FAM227B: variants seen among roughly 807,000 people sequenced by gnomAD.
FAM227B encodes protein FAM227B.
In FAM227B, 88 loss-of-function variants were observed where a neutral mutation model predicts 73.8. That is an observed-to-expected ratio of 1.19 (90% CI 1.00 to 1.42). FAM227B has a LOEUF of 1.42. FAM227B is among the 40% of genes most tolerant of loss of function. The pLI is 0.00. For synonymous variants in FAM227B, 210 were observed against 190.5 expected (o/e 1.10, Z -0.84); for missense variants, 632 against 590.9 (o/e 1.07, Z -0.72).
intron 10 of FAM227B, among the ~76,000 whole-genome samples, chr15:49,519,061 A>G (rs1446468459): frequency 6.6e-6 from 1 of 152,232 alleles, no homozygotes; most frequent in African/African-American, 2.4e-5. Flanking sequence ...AAGGGGCTAC[A>G]GGCCCCATGC....
intron 3 of FAM227B, among the ~76,000 whole-genome samples, chr15:49,592,712 T>C (rs1455709547): frequency 6.6e-6 from 1 of 152,150 alleles, no homozygotes; most frequent in African/African-American, 2.4e-5. Flanking sequence ...GAACCACTGC[T>C]CTCTTCAGAG....
chr15:49,328,389 G>T lies in FAM227B; in HGVS notation c.*179C>A. ...TAAGAGCCAAGATCATGCTTGGACA[G>T]ATCTTTTAAGAATAACTTACTGAGA... On this transcript the variant is annotated 3_prime_UTR_variant, in exon 16 of 16. Transcript: ENST00000299338. 24 of 1,427,308 alleles carry T rather than the reference G, an allele frequency of 1.7e-5. No homozygotes were observed. Among genetic ancestry groups the T allele is most frequent in the Non-Finnish European group, 2.2e-5 (24 of 1,094,144 alleles). The allele number at this position is 1,427,308 out of a possible 1,614,324, so 88.4% of individuals were successfully genotyped here.
intron 11 of FAM227B, among the ~76,000 whole-genome samples, chr15:49,478,475 T>C (rs868469252): frequency 6.6e-6 from 1 of 152,138 alleles, no homozygotes; most frequent in Non-Finnish European, 1.5e-5. Flanking sequence ...ATAATAAAAA[T>C]ATATAATAGT....
At chr15:49,590,802 C>A (rs925780986) in intron 3 of FAM227B, among the ~76,000 whole-genome samples, 2 of 152,040 alleles carry the variant, frequency 1.3e-5, no homozygotes, top group African/African-American at 4.8e-5. Context: ...AAACTTTGCA[C>A]CCTTTAATCC....
chr15:49,460,559 T>C (rs1358826823), intron 11 of FAM227B, among the ~76,000 whole-genome samples: 1 of 152,166 alleles, frequency 6.6e-6, no homozygotes, highest in Admixed American at 6.6e-5. Flanking sequence ...CAGGCGATCA[T>C]TACCAAATAT....
chr15:49,469,196 T>C (rs1439710639), intron 11 of FAM227B, among the ~76,000 whole-genome samples: 1 of 152,172 alleles, frequency 6.6e-6, no homozygotes, highest in African/African-American at 2.4e-5. Context: ...AAGACATTTG[T>C]CTATAACAGT....
intron 9 of FAM227B, among the ~76,000 whole-genome samples, chr15:49,561,224 C>G (rs889181810): frequency 6.6e-6 from 1 of 152,082 alleles, no homozygotes; most frequent in Non-Finnish European, 1.5e-5. Flanking sequence ...AGTAGCTATT[C>G]TTATAAGATA....
intron 11 of FAM227B, among the ~76,000 whole-genome samples, chr15:49,500,436 G>T (rs915047199): frequency 7.9e-5 from 12 of 152,114 alleles, no homozygotes. Flanking sequence ...CCTAGATGTG[G>T]GACATAAAGT....
intron 11 of FAM227B, among the ~76,000 whole-genome samples, chr15:49,380,623 C>G (rs983691041): frequency 1.0e-3 from 156 of 152,104 alleles, no homozygotes; most frequent in African/African-American, 3.7e-3. Flanking sequence ...CCATTAAAAT[C>G]AGGGACAAAG....
At chr15:49,529,961 T>C (rs1052927349) in intron 10 of FAM227B, among the ~76,000 whole-genome samples, 2 of 151,790 alleles carry the variant, frequency 1.3e-5, no homozygotes, top group Non-Finnish European at 3.0e-5. Context: ...TTTTTATTGC[T>C]GAGTAGTTTT....
intron 11 of FAM227B, among the ~76,000 whole-genome samples, chr15:49,466,208 T>C (rs900926277): frequency 3.9e-5 from 6 of 152,192 alleles, no homozygotes; most frequent in African/African-American, 1.4e-4. Flanking sequence ...CTCAGACCTG[T>C]TGGATCAGAC....
At chr15:49,479,325 T>C (rs2152002047) in intron 11 of FAM227B, among the ~76,000 whole-genome samples, 1 of 152,268 alleles carries the variant, frequency 6.6e-6, no homozygotes, top group Middle Eastern at 3.4e-3. Flanking sequence ...TGCATCTATG[T>C]AATATGCTTT....
At chr15:49,509,873 T>C (rs2058856069) in intron 10 of FAM227B, among the ~76,000 whole-genome samples, 1 of 152,150 alleles carries the variant, frequency 6.6e-6, no homozygotes, top group African/African-American at 2.4e-5. Flanking sequence ...GTCTTTGCAA[T>C]TATTTGGTAA....
chr15:49,606,167 A>G (rs1281600166), intron 3 of FAM227B: 1 of 152,130 alleles, frequency 6.6e-6, no homozygotes, highest in Non-Finnish European at 1.5e-5. Flanking sequence ...TGGATTCCTT[A>G]GCTCTTGTAA....
intron 11 of FAM227B, among the ~76,000 whole-genome samples, chr15:49,395,008 G>A (rs1008357598): frequency 6.6e-6 from 1 of 152,110 alleles, no homozygotes; most frequent in Non-Finnish European, 1.5e-5. Flanking sequence ...TTTAAGAGAG[G>A]AGGATTAAAA....
At chr15:49,393,429 C>T (rs1161568939) in intron 11 of FAM227B, among the ~76,000 whole-genome samples, 2 of 152,152 alleles carry the variant, frequency 1.3e-5, no homozygotes, top group Admixed American at 6.6e-5. Context: ...GTAAGTCAGA[C>T]TTCTGCACTG....
intron 11 of FAM227B, among the ~76,000 whole-genome samples, chr15:49,450,350 G>C (rs1327118729): frequency 6.6e-6 from 1 of 151,948 alleles, no homozygotes. Flanking sequence ...ACTGTCTAGA[G>C]TTCATTTCTC....
intron 9 of FAM227B, among the ~76,000 whole-genome samples, chr15:49,559,133 A>G (rs146578427): frequency 2.0e-5 from 3 of 152,294 alleles, no homozygotes; most frequent in Non-Finnish European, 4.4e-5. Flanking sequence ...ACTAGGAGTC[A>G]TGAGCCCTGG....
chr15:49,425,488 T>G (rs1391183150), intron 11 of FAM227B: 1 of 151,924 alleles, frequency 6.6e-6, no homozygotes, highest in Non-Finnish European at 1.5e-5. Context: ...AAAAATAAAT[T>G]TTGTTTACAT....
Sources: allele counts gnomAD v4.1 joint callset (sites outside exome capture counted in the v4.1 genomes callset), GRCh38; gene constraint gnomAD v4.1.1; transcripts MANE v1.5; gene names NCBI Gene and HGNC (gene_info 2026-07-23, HGNC 2026-07-21).